AGBL4: variants seen among roughly 807,000 people sequenced by gnomAD.
AGBL4 encodes the protein cytosolic carboxypeptidase 6.
Under a neutral mutation model 66.4 loss-of-function variants are expected in AGBL4, and 58 were observed. That is an observed-to-expected ratio of 0.87 (90% CI 0.71 to 1.09). The LOEUF (loss-of-function observed/expected upper bound fraction) is 1.09. AGBL4 is among the 50% of genes least tolerant of loss of function. AGBL4 has a pLI of 0.00. For synonymous variants in AGBL4, 234 were observed against 222.9 expected, an observed-to-expected ratio of 1.05 and a Z score of -0.44; for missense variants, 579 against 631.0, an observed-to-expected ratio of 0.92 and a Z score of 0.88.
At chr1:49,864,667 T>C (rs1048104833) in intron 1 of AGBL4, among the ~76,000 whole-genome samples, 1 of 152,162 alleles carries the variant, frequency 6.6e-6, no homozygotes, top group Non-Finnish European at 1.5e-5. Context: ...GTGCAACCCA[T>C]GGATCAGGAG....
chr1:49,556,752 A>G (rs1643911187), intron 3 of AGBL4, among the ~76,000 whole-genome samples: 1 of 151,792 alleles, frequency 6.6e-6, no homozygotes, highest in Non-Finnish European at 1.5e-5. Context: ...GGGGCCTCGG[A>G]GCAGGGGGCG....
intron 4 of AGBL4, among the ~76,000 whole-genome samples, chr1:49,213,534 C>T (rs748973059): frequency 6.6e-6 from 1 of 152,028 alleles, no homozygotes. Flanking sequence ...ATGTGAGACG[C>T]TTGCTCCTCA....
Position 48,736,647 on chromosome 1 carries a change from G to A in AGBL4, c.635-73406C>T, listed in dbSNP as rs1649106962. Among the ~76,000 whole-genome samples, 2 of 152,084 alleles carry A rather than the reference G, an allele frequency of 1.3e-5. No individual in the cohort carries two copies. Among genetic ancestry groups the A allele is most frequent in the Admixed American group, 1.3e-4 (2 of 15,270 alleles). On this transcript the variant is annotated intron_variant, in intron 6 of 13. Coordinates refer to ENST00000371839, the MANE Select transcript of AGBL4 (RefSeq NM_032785.4). The surrounding 1 kb of genome is among the most constrained non-coding windows in gnomAD (Gnocchi z 4.0). ...GTAGTGTGCCAGGCCTTATTCTAGG[G>A]CTTTATATTTGCTATCTTAAATCTT...
chr1:48,580,951 G>A (rs2148331399), intron 11 of AGBL4, among the ~76,000 whole-genome samples: 1 of 152,148 alleles, frequency 6.6e-6, no homozygotes, highest in East Asian at 1.9e-4. Context: ...AGAAGTCTGA[G>A]CCCTAGTTTC....
intron 1 of AGBL4, among the ~76,000 whole-genome samples, chr1:49,919,918 C>A (rs1652022427): frequency 6.6e-6 from 1 of 152,104 alleles, no homozygotes; most frequent in Admixed American, 6.6e-5. Context: ...AGAACAGAGT[C>A]CTCAGAAATA....
At chr1:49,392,200 CAGCCACATTATGGCTAATTAT>C (rs1468840747) in intron 3 of AGBL4, among the ~76,000 whole-genome samples, 2 of 152,292 alleles carry the variant, frequency 1.3e-5, no homozygotes. Context: ...TTAGTCACAA[CAGCCACATTATGGCTAATTAT>C]AGCCACATTA....
chr1:49,592,616 G>A (rs1446073262), intron 3 of AGBL4, among the ~76,000 whole-genome samples: 1 of 152,090 alleles, frequency 6.6e-6, no homozygotes, highest in Admixed American at 6.6e-5. Context: ...GAGTATACAT[G>A]TGAACAAGCA....
intron 6 of AGBL4, among the ~76,000 whole-genome samples, chr1:48,741,151 A>C (rs1166254152): frequency 1.3e-5 from 2 of 152,190 alleles, no homozygotes; most frequent in Non-Finnish European, 2.9e-5. Flanking sequence ...CTTTAAGAAA[A>C]ACTCTCTAGT....
chr1:49,542,133 G>A (rs1453641443), intron 3 of AGBL4, among the ~76,000 whole-genome samples: 1 of 152,142 alleles, frequency 6.6e-6, no homozygotes, highest in African/African-American at 2.4e-5. Context: ...AGACCAATCA[G>A]CTCTCTGTAA....
chr1:49,513,341 T>C, intron 3 of AGBL4, among the ~76,000 whole-genome samples: 1 of 151,968 alleles, frequency 6.6e-6, no homozygotes, highest in South Asian at 2.1e-4. Context: ...GAATATTGCA[T>C]GATGCTGGGA....
At chr1:49,944,586 T>C (rs1655048831) in intron 1 of AGBL4, among the ~76,000 whole-genome samples, 1 of 152,076 alleles carries the variant, frequency 6.6e-6, no homozygotes, top group Non-Finnish European at 1.5e-5. Flanking sequence ...ACCTTCCCTC[T>C]GACAGAACCT....
chr1:49,074,494 G>T (rs1325568438), intron 4 of AGBL4, among the ~76,000 whole-genome samples: 1 of 152,144 alleles, frequency 6.6e-6, no homozygotes, highest in East Asian at 1.9e-4. Context: ...GGGAGCTGCA[G>T]ACTGGAGCTG....
intron 12 of AGBL4, 25 bp downstream of exon 12, chr1:48,539,617 G>A (rs1256934390): frequency 1.1e-5 from 17 of 1,506,760 alleles, no homozygotes; most frequent in South Asian, 3.8e-5. Context: ...AACTCAAGCC[G>A]AAACCTCTCT....
At chr1:48,887,562 G>T (rs530952837) in intron 5 of AGBL4, among the ~76,000 whole-genome samples, 2 of 152,212 alleles carry the variant, frequency 1.3e-5, no homozygotes, top group East Asian at 3.9e-4. Context: ...TTTTATAGGG[G>T]GGAATTGAGG....
intron 1 of AGBL4, among the ~76,000 whole-genome samples, chr1:49,878,076 G>A (rs1647079025): frequency 6.6e-6 from 1 of 150,942 alleles, no homozygotes; most frequent in South Asian, 2.1e-4. Context: ...CTTGCTAGCG[G>A]TCTATCAATT....
At chr1:48,574,537 CTTTTTTTTTTT>C (rs780333770) in intron 11 of AGBL4, among the ~76,000 whole-genome samples, 2 of 124,048 alleles carry the variant, frequency 1.6e-5, no homozygotes, top group African/African-American at 5.8e-5. Flanking sequence ...CTTTTCTTTT[CTTTTTTTTTTT>C]TTTGAACTGA....
At chr1:49,382,020 A>T (rs1644626566) in intron 3 of AGBL4, among the ~76,000 whole-genome samples, 1 of 152,060 alleles carries the variant, frequency 6.6e-6, no homozygotes, top group Non-Finnish European at 1.5e-5. Flanking sequence ...AAATAAAAAA[A>T]AATACAGTTC....
rs1264595586 is a variant in AGBL4, at chr1:49,948,086, A to ATATATG, written c.34+75671_34+75676dup. Among the ~76,000 whole-genome samples, 331 of 91,102 alleles carry ATATATG rather than the reference A, an allele frequency of 3.6e-3. 2 individuals are homozygous for ATATATG. The highest frequency in any genetic ancestry group is 5.3e-3 in the Non-Finnish European group (286 of 53,790). The allele number at this position is 91,102 out of a possible 152,430, so 59.8% of individuals were successfully genotyped here. A position where few individuals can be genotyped will look rare whatever the true frequency, so the allele number is the denominator to read the frequency against. ...TGTAAATATATGTAAATATATGTAAATATATGTATATGTATATATATGTAA... is the reference window on the plus strand; with the variant it reads ...TGTAAATATATGTAAATATATGTAAATATATGTATATGTATATGTATATATATGTAA... On this transcript the variant is annotated intron_variant, in intron 1 of 13. Coordinates refer to ENST00000371839, the MANE Select transcript of AGBL4 (RefSeq NM_032785.4).
At chr1:48,752,740 T>A (rs1651938053) in intron 6 of AGBL4, among the ~76,000 whole-genome samples, 1 of 152,136 alleles carries the variant, frequency 6.6e-6, no homozygotes, top group Non-Finnish European at 1.5e-5. Context: ...ATGACTTTAC[T>A]GCATTTATTC....
Sources: gnomAD v4.1 joint callset for allele counts (sites outside exome capture counted in the v4.1 genomes callset) on GRCh38, gnomAD v4.1.1 for gene constraint, Gnocchi (gnomAD v3.1) non-coding constraint, MANE v1.5 for transcripts, NCBI Gene and HGNC (gene_info 2026-07-23, HGNC 2026-07-21) for gene names.